Variants in DLX4 observed in about 807,000 individuals in gnomAD.
The protein encoded by DLX4 is homeobox protein DLX-4.
In DLX4, 13 loss-of-function variants were observed where a neutral mutation model predicts 17.1. The ratio of observed to expected loss-of-function variants is 0.76; its 90% CI spans 0.49 to 1.21. The LOEUF (loss-of-function observed/expected upper bound fraction) is 1.21, where lower values mean the gene tolerates loss of function less well. Ranked by LOEUF, DLX4 falls within the 50% of genes most tolerant of loss-of-function variation. The pLI, the probability that DLX4 is intolerant of heterozygous loss-of-function variation, is 0.00. For synonymous variants in DLX4, 129 were observed against 140.3 expected, an observed-to-expected ratio of 0.92 and a Z score of 0.57; for missense variants, 297 against 301.4, an observed-to-expected ratio of 0.99 and a Z score of 0.11.
chr17:49,969,455 G>C lies in DLX4; in HGVS notation c.-14G>C, dbSNP rs1393009135. Reference sequence around the variant, plus strand: ...GTGCCGGGCCATGGCCCTTCTGCCCGGGCCCTGGCCACAATGACCTCTTTG... The same window carrying C: ...GTGCCGGGCCATGGCCCTTCTGCCCCGGCCCTGGCCACAATGACCTCTTTG... On this transcript the variant is annotated 5_prime_UTR_variant, in exon 1 of 3. Transcript: ENST00000240306. 6.5e-6 allele frequency: 10 copies of C among 1,527,370 alleles called. No homozygotes were observed. The African/African-American group carries it at 9.7e-5, about 15-fold the overall frequency. 94.6% of individuals were successfully genotyped at this position (1,527,370 alleles called of 1,614,324 possible).
In DLX4 at chr17:49,973,883, C is replaced by T. The variant is rs764822413; in HGVS notation, c.663C>T (p.Ser221=). The T allele has an allele frequency of 3.2e-5, 52 of 1,613,200 alleles. No homozygotes were observed. The South Asian group carries it at 5.2e-4, about 16-fold the overall frequency. Residue 221 remains serine, a synonymous_variant, in exon 3 of 3, where the codon AGC becomes AGT. Coordinates refer to ENST00000240306, the MANE Select transcript of DLX4 (RefSeq NM_138281.3). ...TGCCCACCAGTGGCTATGGCAACAG[C>T]TTTGGAGCCTGGTATCAGCATCACT... is the stretch of plus-strand genomic sequence containing the variant. ...GTLPTSGYGN[S]FGAWYQHHSS... is the part of the protein sequence containing the mutation.
Position 49,969,745 on chromosome 17 carries a change from G to A in DLX4, c.277G>A (p.Glu93Lys). The change falls in exon 1 of 3, where the codon GAG becomes AAG. Residue 93 changes from glutamate (E) to lysine (K), a missense_variant. Coordinates refer to ENST00000240306, the MANE Select transcript of DLX4 (RefSeq NM_138281.3). ...CGPAEHPQEL[E>K]ADSEKPRLSP... Reference sequence around the variant, plus strand: ...ACCTGCAGAGCACCCTCAGGAACTCGAGGCAGGTAAGTTCGGCCGTGGAGG... The same window carrying A: ...ACCTGCAGAGCACCCTCAGGAACTCAAGGCAGGTAAGTTCGGCCGTGGAGG... 6.3e-7 allele frequency: 1 copy of A among 1,592,602 alleles called. No individual in the cohort carries two copies. Among genetic ancestry groups the A allele is most frequent in the South Asian group, 1.1e-5 (1 of 90,072 alleles).
chr17:49,972,769 C>A lies in DLX4; in HGVS notation c.284-304C>A. ...GTGGCTGAACTCCGACCTCCCACCGCAGGCGCCGCGGTACCCTGGCTGTGG... is the reference window on the plus strand; with the variant it reads ...GTGGCTGAACTCCGACCTCCCACCGAAGGCGCCGCGGTACCCTGGCTGTGG... On this transcript the variant is annotated intron_variant, in intron 1 of 2. Coordinates refer to ENST00000240306, the MANE Select transcript of DLX4 (RefSeq NM_138281.3). This position sits in a 1 kb window ranked among gnomAD's most constrained non-coding sequence, Gnocchi z 5.4. 7.2e-7 allele frequency: 1 copy of A among 1,388,814 alleles called. No homozygotes were observed. The highest frequency in any genetic ancestry group is 1.8e-5 in the South Asian group (1 of 56,742). 86.0% of individuals were successfully genotyped at this position (1,388,814 alleles called of 1,614,324 possible).
chr17:49,971,126 G>T (rs1373933458), intron 1 of DLX4, among the ~76,000 whole-genome samples: 2 of 152,118 alleles, frequency 1.3e-5, no homozygotes, highest in Non-Finnish European at 2.9e-5. Context: ...GGACTGGGGT[G>T]GGAATATCAT....
chr17:49,971,622 C>T (rs1008935243), intron 1 of DLX4, among the ~76,000 whole-genome samples: 1 of 152,110 alleles, frequency 6.6e-6, no homozygotes, highest in East Asian at 1.9e-4. Flanking sequence ...GCAACCGGGT[C>T]GGCCTCAGAG....
Position 49,969,377 on chromosome 17 carries a change from C to A in DLX4, c.-92C>A. The stretch of plus-strand genomic sequence containing the variant: ...GGGGGCTGCTGGCTGGGGGGCCCGT[C>A]CGGCCCAACGCCGGAGGCTTGGAAA... On this transcript the variant is annotated 5_prime_UTR_variant, in exon 1 of 3. Transcript: ENST00000240306. 7.1e-7 allele frequency: 1 copy of A among 1,408,908 alleles called. No individual in the cohort carries two copies. Among genetic ancestry groups the A allele is most frequent in the Non-Finnish European group, 9.4e-7 (1 of 1,065,944 alleles). 87.3% of individuals were successfully genotyped at this position (1,408,908 alleles called of 1,614,324 possible). A position where few individuals can be genotyped will look rare whatever the true frequency, so the allele number is the denominator to read the frequency against.
chr17:49,974,859 A>T lies in DLX4; in HGVS notation c.*916A>T, dbSNP rs907137495. 3 of 152,200 alleles carry T rather than the reference A, an allele frequency of 2.0e-5. No homozygotes were observed. The highest frequency in any genetic ancestry group is 6.5e-5 in the Admixed American group (1 of 15,282). The allele number at this position is 152,200 out of a possible 1,614,324, so 9.4% of individuals were successfully genotyped here. On this transcript the variant is annotated 3_prime_UTR_variant, in exon 3 of 3. Transcript: ENST00000240306. The stretch of plus-strand genomic sequence containing the variant: ...TAGGCCCATTGATTCAGCTCCTTGC[A>T]GCTGTCTCTGTTCAAAGGAACTGTG...
chr17:49,973,616 G>A, intron 2 of DLX4, 85 bp from the exon 3 acceptor site: 1 of 1,459,918 alleles, frequency 6.8e-7, no homozygotes, highest in Non-Finnish European at 9.2e-7. Context: ...GACTGTGCCT[G>A]CACCTGGATC....
chr17:49,969,250 A>C lies in DLX4; in HGVS notation c.-219A>C. On this transcript the variant is annotated 5_prime_UTR_variant, in exon 1 of 3. Transcript: ENST00000240306. ...GGGGCCCCCATGGATTTAGGGGGGG[A>C]GGGGAAAGTCATGGGGGGCACCCCC... 5.1e-6 allele frequency: 2 copies of C among 389,026 alleles called. No individual in the cohort carries two copies. The highest frequency in any genetic ancestry group is 8.2e-6 in the Non-Finnish European group (2 of 242,994). 24.1% of individuals were successfully genotyped at this position (389,026 alleles called of 1,614,324 possible). A position where few individuals can be genotyped will look rare whatever the true frequency, so the allele number is the denominator to read the frequency against.
chr17:49,970,453 G>A (rs1231843699), intron 1 of DLX4, among the ~76,000 whole-genome samples: 2 of 152,174 alleles, frequency 1.3e-5, no homozygotes, highest in South Asian at 2.1e-4. Context: ...GCCGGCCATC[G>A]CTGTCATCTC....
Position 49,969,678 on chromosome 17 carries a change from G to T in DLX4, c.210G>T (p.Leu70=). 6.2e-7 allele frequency: 1 copy of T among 1,607,014 alleles called. No individual in the cohort carries two copies. The change falls in exon 1 of 3, where the codon CTG becomes CTT. Residue 70 remains leucine, a synonymous_variant. Coordinates refer to ENST00000240306, the MANE Select transcript of DLX4 (RefSeq NM_138281.3). ...TEPANPGDSY[L]SCQQPAALSQ... ...CAGCGAACCCCGGAGACTCCTACCT[G>T]TCCTGCCAGCAACCCGCGGCGCTCT...
intron 1 of DLX4, among the ~76,000 whole-genome samples, chr17:49,971,569 G>A (rs932061262): frequency 1.3e-5 from 2 of 152,110 alleles, no homozygotes; most frequent in African/African-American, 4.8e-5. Context: ...ACTTGGAGGG[G>A]GTCTGCTGGG....
chr17:49,968,577 C>A (rs1905386467), upstream of DLX4, among the ~76,000 whole-genome samples: 2 of 152,152 alleles, frequency 1.3e-5, no homozygotes, highest in African/African-American at 2.4e-5. Flanking sequence ...CTGCCGGAAG[C>A]GGAAGCCAGC....
At chr17:49,969,780 C>A in intron 1 of DLX4, 29 bp downstream of exon 1, 2 of 1,541,126 alleles carry the variant, frequency 1.3e-6, no homozygotes, top group Non-Finnish European at 8.7e-7. Context: ...GCTCTTCCCA[C>A]CTCTGGGGTT....
intron 1 of DLX4, 46 bp from the exon 2 acceptor site, chr17:49,973,027 C>G: frequency 3.7e-6 from 6 of 1,604,270 alleles, no homozygotes; most frequent in Non-Finnish European, 5.1e-6. Flanking sequence ...CGTCCTACCC[C>G]CTCGCTCCCT....
Position 49,973,122 on chromosome 17 carries a change from G to T in DLX4, c.333G>T (p.Gln111His). 6.2e-7 allele frequency: 1 copy of T among 1,613,976 alleles called. No homozygotes were observed. The highest frequency in any genetic ancestry group is 8.5e-7 in the Non-Finnish European group (1 of 1,179,966). The change falls in exon 2 of 3, where the codon CAG becomes CAT. Residue 111 changes from glutamine (Q) to histidine (H), a missense_variant. Gln to His is a conservative substitution (Grantham distance 24). Coordinates refer to ENST00000240306, the MANE Select transcript of DLX4 (RefSeq NM_138281.3). ...CGGAACCCTCCGAGCGGCGCCCTCA[G>T]GCCCCCGCCAAAAAGCTCCGCAAGC... ...LSPEPSERRP[Q>H]APAKKLRKPR...
In DLX4 at chr17:49,973,763, G is replaced by C; in HGVS notation, c.543G>C (p.Gly181=). The C allele has an allele frequency of 6.4e-7, 1 of 1,551,192 alleles. No homozygotes were observed. Among genetic ancestry groups the C allele is most frequent in the Non-Finnish European group, 8.7e-7 (1 of 1,148,708 alleles). The change falls in exon 3 of 3, where the codon GGG becomes GGC. Residue 181 remains glycine (G), a synonymous_variant. Coordinates refer to ENST00000240306, the MANE Select transcript of DLX4 (RefSeq NM_138281.3). Reference sequence around the variant, plus strand: ...AGAAGCTCCTGAAGCAGAATTCTGGGGGGCAGGAAGGGGACTTCCCTGGGA... The same window carrying C: ...AGAAGCTCCTGAAGCAGAATTCTGGCGGGCAGGAAGGGGACTTCCCTGGGA... ...KYKKLLKQNS[G]GQEGDFPGRT...
intron 2 of DLX4, 164 bp downstream of exon 2, chr17:49,973,433 T>A: frequency 8.3e-7 from 1 of 1,202,478 alleles, no homozygotes; most frequent in Admixed American, 2.2e-5. Context: ...TTGGGGGGAA[T>A]GTGTTGAAAG....
Position 49,969,409 on chromosome 17 carries a change from T to G in DLX4, c.-60T>G. ...AACGCCGGAGGCTTGGAAAAGAGAGTTGGCAGCGGGAGCGGACTACGTGCC... is the reference window on the plus strand; with the variant it reads ...AACGCCGGAGGCTTGGAAAAGAGAGGTGGCAGCGGGAGCGGACTACGTGCC... On this transcript the variant is annotated 5_prime_UTR_variant, in exon 1 of 3. Transcript: ENST00000240306. 2 of 1,460,176 alleles carry G rather than the reference T, an allele frequency of 1.4e-6. No individual in the cohort carries two copies. The highest frequency in any genetic ancestry group is 1.4e-5 in the South Asian group (1 of 70,336). The allele number at this position is 1,460,176 out of a possible 1,614,324, so 90.5% of individuals were successfully genotyped here. A position where few individuals can be genotyped will look rare whatever the true frequency, so the allele number is the denominator to read the frequency against.
Sources: gnomAD v4.1 joint callset for allele counts (sites outside exome capture counted in the v4.1 genomes callset) on GRCh38, gnomAD v4.1.1 for gene constraint, Gnocchi (gnomAD v3.1) non-coding constraint, MANE v1.5 for transcripts, NCBI Gene and HGNC (gene_info 2026-07-23, HGNC 2026-07-21) for gene names.